Variants in SSTR3 observed in about 807,000 individuals in gnomAD.
SSTR3 encodes somatostatin receptor type 3.
For missense variants in SSTR3, 504 were observed against 604.7 expected (o/e 0.83, Z 1.75); for synonymous variants, 281 against 269.2 (o/e 1.04, Z -0.43).
chr22:37,220,481 G>A, the SSTR3 span, among the ~76,000 whole-genome samples: 3 of 152,202 alleles, frequency 2.0e-5, no homozygotes, highest in Non-Finnish European at 4.4e-5. Context: ...GAACCTGGGA[G>A]GTGGAGGTTG....
At position 37,206,887 on chromosome 22, in the gene SSTR3, CT is replaced by C. The variant is rs1357222240; in HGVS notation, c.916del (p.Ser306AlafsTer65). On this transcript the variant is annotated frameshift_variant, in exon 2 of 2. Transcript: ENST00000610913. LOFTEE classifies it low-confidence loss of function (END_TRUNC). Reference sequence around the variant, plus strand: ...GCCATAAAGGATGGGGTTGGCACAGCTGTTGGCATAGGGCAGCGCCACCACC... The same window carrying C: ...GCCATAAAGGATGGGGTTGGCACAGCGTTGGCATAGGGCAGCGCCACCACC... ...FLVVALPYAN[S>X]CANPILYGFL... 1.2e-6 allele frequency: 2 copies of C among 1,613,568 alleles called. No individual in the cohort carries two copies. The highest frequency in any genetic ancestry group is 2.2e-5 in the South Asian group (2 of 91,090).
At chr22:37,210,720 G>T (rs1926140927) in intron 1 of SSTR3, 2 of 985,456 alleles carry the variant, frequency 2.0e-6, no homozygotes, top group South Asian at 9.4e-5. Flanking sequence ...CAGAGAGGGT[G>T]AGTGGCTGTC....
chr22:37,219,183 C>T, the SSTR3 span, among the ~76,000 whole-genome samples: 1 of 152,200 alleles, frequency 6.6e-6, no homozygotes, highest in Non-Finnish European at 1.5e-5. Context: ...GGGGTGGAAA[C>T]ATCTCTACCC....
chr22:37,206,585 C>T lies in SSTR3; in HGVS notation c.1219G>A (p.Gly407Arg), dbSNP rs2145797224. 5.6e-6 allele frequency: 9 copies of T among 1,612,142 alleles called. No individual in the cohort carries two copies. Among genetic ancestry groups the T allele is most frequent in the Non-Finnish European group, 6.8e-6 (8 of 1,179,794 alleles). ...ATGCGCATCGTGCTGGACTTCTCCC[C>T]AGTGGAAGCCTCTTGGGGTAGGAGC... is the stretch of plus-strand genomic sequence containing the variant. ...QQLLPQEAST[G>R]EKSSTMRISY... The change falls in exon 2 of 2, where the codon GGG becomes AGG. Residue 407 changes from glycine (G) to arginine (R), a missense_variant. Physicochemically the swap from Gly to Arg is moderately radical, Grantham distance 125. Transcript: ENST00000610913.
upstream of SSTR3, among the ~76,000 whole-genome samples, chr22:37,214,755 A>G (rs1344602570): frequency 3.3e-5 from 5 of 151,752 alleles, no homozygotes; most frequent in Admixed American, 2.0e-4. Context: ...CTCCTTGAGA[A>G]CCTCCTATGG....
intron 1 of SSTR3, chr22:37,210,590 A>G (rs898107878): frequency 1.0e-6 from 1 of 985,344 alleles, no homozygotes; most frequent in African/African-American, 1.7e-5. Flanking sequence ...AATCCTGTGC[A>G]TGATCTAGTT....
At position 37,207,333 on chromosome 22, in the gene SSTR3, A is replaced by G. The variant is rs139412995; in HGVS notation, c.471T>C (p.Ala157=). The change falls in exon 2 of 2, where the codon GCT becomes GCC. Residue 157 remains alanine, a synonymous_variant. Transcript: ENST00000610913. The part of the protein sequence containing the change: ...HPTRSARWRT[A]PVARTVSAAV... ...CCGCGCTGACCGTGCGGGCCACCGG[A>G]GCTGTGCGCCAGCGGGCCGAGCGGG... 3.5e-3 allele frequency: 5,680 copies of G among 1,601,600 alleles called. 14 individuals are homozygous for G. Among genetic ancestry groups the G allele is most frequent in the Non-Finnish European group, 4.4e-3 (5,182 of 1,173,640 alleles).
intron 1 of SSTR3, among the ~76,000 whole-genome samples, chr22:37,208,842 G>A (rs776266155): frequency 3.3e-5 from 5 of 152,128 alleles, no homozygotes; most frequent in African/African-American, 7.2e-5. Flanking sequence ...GCACAGGCAC[G>A]AGCTCTGCCT....
Position 37,212,241 on chromosome 22 carries a change from G to T in SSTR3, c.-453C>A. On this transcript the variant is annotated 5_prime_UTR_variant, in exon 1 of 2. Transcript: ENST00000610913. The stretch of plus-strand genomic sequence containing the variant: ...AGAGAGAGAAAGAGGGAGGGGGAGA[G>T]AGAGAGAGGGAGAGGGAGAGGAGAC... 1 of 658,530 alleles carries T rather than the reference G, an allele frequency of 1.5e-6. No individual in the cohort carries two copies. The highest frequency in any genetic ancestry group is 1.9e-6 in the Non-Finnish European group (1 of 532,526). 40.8% of individuals were successfully genotyped at this position (658,530 alleles called of 1,614,324 possible). A position where few individuals can be genotyped will look rare whatever the true frequency, so the allele number is the denominator to read the frequency against.
intron 1 of SSTR3, among the ~76,000 whole-genome samples, chr22:37,208,676 G>A (rs952521590): frequency 6.6e-6 from 1 of 152,188 alleles, no homozygotes; most frequent in African/African-American, 2.4e-5. Context: ...GAGCCCCCCC[G>A]CACTCCAGGT....
chr22:37,209,304 G>A (rs979733734), intron 1 of SSTR3, among the ~76,000 whole-genome samples: 6 of 152,196 alleles, frequency 3.9e-5, no homozygotes, highest in African/African-American at 7.2e-5. Context: ...GGGCTGCAGC[G>A]GGCTCAGAGT....
Position 37,207,440 on chromosome 22 carries a change from C to A in SSTR3, c.364G>T (p.Val122Leu). 6.2e-7 allele frequency: 1 copy of A among 1,613,570 alleles called. No homozygotes were observed. The highest frequency in any genetic ancestry group is 8.5e-7 in the Non-Finnish European group (1 of 1,179,912). Residue 122 changes from valine (V) to leucine (L), a missense_variant, in exon 2 of 2, where the codon GTG (valine) becomes TTG (leucine). Val to Leu is a conservative substitution (Grantham distance 32). Coordinates refer to ENST00000610913, the MANE Select transcript of SSTR3 (RefSeq NM_001051.5). ...GSLMCRLVMA[V>L]DGINQFTSIF... ...CTGGTGAACTGGTTGATGCCATCCACCGCCATGACCAGGCGGCACATGAGG... is the reference window on the plus strand; with the variant it reads ...CTGGTGAACTGGTTGATGCCATCCAACGCCATGACCAGGCGGCACATGAGG...
At position 37,207,564 on chromosome 22, in the gene SSTR3, G is replaced by A. The variant is rs149725648; in HGVS notation, c.240C>T (p.Asn80=). ...CCAGCGCCAGGTTGAGGATGTAGAC[G>A]TTGGTGACTGAAGGGCTGGCCGTGT... ...LRHTASPSVT[N]VYILNLALAD... The change falls in exon 2 of 2, where the codon AAC becomes AAT. Residue 80 remains asparagine (N), a synonymous_variant. Transcript: ENST00000610913. The A allele has an allele frequency of 2.1e-4, 345 of 1,613,676 alleles. No individual in the cohort carries two copies. The African/African-American group carries it at 2.5e-3, about 12-fold the overall frequency.
intron 1 of SSTR3, 93 bp downstream of exon 1, chr22:37,211,732 C>A (rs1246068244): frequency 1.0e-6 from 1 of 984,904 alleles, no homozygotes; most frequent in Non-Finnish European, 1.2e-6. Flanking sequence ...CCCTCTGCCT[C>A]CCCAGCCCCA....
the SSTR3 span, among the ~76,000 whole-genome samples, chr22:37,218,665 C>T: frequency 0.12 from 18,568 of 151,720 alleles, 1,213 homozygotes; most frequent in East Asian, 0.29. Flanking sequence ...ATCGAATTGA[C>T]ATCTCCAAAA....
Position 37,207,173 on chromosome 22 carries a change from C to A in SSTR3, c.631G>T (p.Ala211Ser). 1 of 1,612,366 alleles carries A rather than the reference C, an allele frequency of 6.2e-7. No individual in the cohort carries two copies. Among genetic ancestry groups the A allele is most frequent in the Non-Finnish European group, 8.5e-7 (1 of 1,179,616 alleles). The change falls in exon 2 of 2, where the codon GCC (alanine) becomes TCC (serine). Residue 211 changes from alanine (A) to serine (S), a missense_variant. Coordinates refer to ENST00000610913, the MANE Select transcript of SSTR3 (RefSeq NM_001051.5). ...AWRAGFIIYTAALGFFGPLLV... is the reference protein window; with the variant it reads ...AWRAGFIIYTSALGFFGPLLV... The stretch of plus-strand genomic sequence containing the variant: ...AGCGGCCCGAAGAAGCCCAGTGCGG[C>A]CGTGTAGATGATGAAGCCGGCTCGC...
the SSTR3 span, among the ~76,000 whole-genome samples, chr22:37,218,292 C>T: frequency 2.7e-3 from 416 of 152,310 alleles, 1 homozygote; most frequent in Non-Finnish European, 5.3e-3. Flanking sequence ...CATGGTGGCT[C>T]ACACCTGTAA....
At chr22:37,219,150 G>A in the SSTR3 span, among the ~76,000 whole-genome samples, 1 of 152,174 alleles carries the variant, frequency 6.6e-6, no homozygotes, top group South Asian at 2.1e-4. Context: ...TTCTTGTCGT[G>A]GCTGCTTTTC....
In SSTR3 at chr22:37,206,582, C is replaced by T. The variant is rs1189932737; in HGVS notation, c.1222G>A (p.Glu408Lys). The T allele has an allele frequency of 1.2e-6, 2 of 1,612,038 alleles. No homozygotes were observed. Among genetic ancestry groups the T allele is most frequent in the Non-Finnish European group, 1.7e-6 (2 of 1,179,758 alleles). Reference protein sequence around the residue: ...QLLPQEASTGEKSSTMRISYL With the variant: ...QLLPQEASTGKKSSTMRISYL Reference sequence around the variant, plus strand: ...CTGATGCGCATCGTGCTGGACTTCTCCCCAGTGGAAGCCTCTTGGGGTAGG... The same window carrying T: ...CTGATGCGCATCGTGCTGGACTTCTTCCCAGTGGAAGCCTCTTGGGGTAGG... Residue 408 changes from glutamate to lysine, a missense_variant, in exon 2 of 2, where the codon GAG (glutamate) becomes AAG (lysine). Coordinates refer to ENST00000610913, the MANE Select transcript of SSTR3 (RefSeq NM_001051.5).
Sources: allele counts gnomAD v4.1 joint callset (sites outside exome capture counted in the v4.1 genomes callset), GRCh38; gene constraint gnomAD v4.1.1; transcripts MANE v1.5; gene names NCBI Gene and HGNC (gene_info 2026-07-23, HGNC 2026-07-21).